Variants in ABCD3 observed in about 807,000 individuals in gnomAD.
ABCD3 encodes the protein ATP binding cassette subfamily D member 3, also known as ATP-binding cassette sub-family D member 3.
Under a neutral mutation model 105.5 loss-of-function variants are expected in ABCD3, and 41 were observed. The observed-to-expected ratio is 0.39, with a 90% CI of 0.30 to 0.50. The LOEUF is 0.50. Ranked by LOEUF, ABCD3 falls within the 20% of genes least tolerant of loss-of-function variation. The pLI is 0.84. For missense variants in ABCD3, 622 were observed against 806.3 expected (o/e 0.77, Z 2.77); for synonymous variants, 258 against 269.0 (o/e 0.96, Z 0.40).
upstream of ABCD3, among the ~76,000 whole-genome samples, chr1:94,418,207 T>G (rs937772135): frequency 5.3e-5 from 8 of 152,148 alleles, no homozygotes; most frequent in South Asian, 1.7e-3. Context: ...GCGCCGCGTT[T>G]CCGGAGACCC....
At chr1:94,401,194 G>T in the ABCD3 span, among the ~76,000 whole-genome samples, 3 of 152,214 alleles carry the variant, frequency 2.0e-5, no homozygotes, top group Non-Finnish European at 4.4e-5. Context: ...TTAAGAACAT[G>T]AACTAATCAT....
At chr1:94,488,019 A>T in intron 13 of ABCD3, 36 bp downstream of exon 13, 3 of 1,474,316 alleles carry the variant, frequency 2.0e-6, no homozygotes, top group Non-Finnish European at 2.8e-6. Context: ...GCAGAAAATA[A>T]TTTTTAAAAA....
At chr1:94,488,219 C>T (rs767929790) in intron 13 of ABCD3, among the ~76,000 whole-genome samples, 1 of 152,044 alleles carries the variant, frequency 6.6e-6, no homozygotes, top group Non-Finnish European at 1.5e-5. Flanking sequence ...TCCATGGACA[C>T]GTATTTGCTA....
At chr1:94,421,208 C>T (rs1292836221) in intron 1 of ABCD3, among the ~76,000 whole-genome samples, 4 of 152,062 alleles carry the variant, frequency 2.6e-5, no homozygotes, top group African/African-American at 4.8e-5. Flanking sequence ...TTTCAACCTG[C>T]CTGTCACCCC....
At chr1:94,464,982 C>T in intron 3 of ABCD3, 109 bp downstream of exon 3, 7 of 942,750 alleles carry the variant, frequency 7.4e-6, no homozygotes, top group Non-Finnish European at 1.2e-5. Flanking sequence ...CCTGGATCTG[C>T]AGGCTGTACA....
At chr1:94,496,008 T>C (rs1385986023) in intron 16 of ABCD3, among the ~76,000 whole-genome samples, 5 of 152,178 alleles carry the variant, frequency 3.3e-5, no homozygotes, top group African/African-American at 1.2e-4. Context: ...CTTTAACAAT[T>C]ATGTGTGTAA....
chr1:94,512,792 C>T (rs1479216323), intron 21 of ABCD3, among the ~76,000 whole-genome samples: 5 of 151,918 alleles, frequency 3.3e-5, no homozygotes, highest in Admixed American at 3.3e-4. Flanking sequence ...AATTTTGGAA[C>T]AAATGTAGTA....
chr1:94,433,628 G>GTT (rs33917832), intron 1 of ABCD3, among the ~76,000 whole-genome samples: 34,111 of 135,894 alleles, frequency 0.25, 4,823 homozygotes, highest in Admixed American at 0.32. Flanking sequence ...ACAATGGTCA[G>GTT]TTTTTTTTTT....
chr1:94,469,429 G>A (rs925713816), intron 4 of ABCD3, among the ~76,000 whole-genome samples: 7 of 149,146 alleles, frequency 4.7e-5, no homozygotes, highest in African/African-American at 1.5e-4. Flanking sequence ...TGGTAGTTGC[G>A]TTTCCATACA....
At chr1:94,469,551 A>G (rs1319313508) in intron 4 of ABCD3, among the ~76,000 whole-genome samples, 1 of 146,752 alleles carries the variant, frequency 6.8e-6, no homozygotes, top group Non-Finnish European at 1.5e-5. Context: ...TTTTGACAAT[A>G]CTGAGAAATC....
chr1:94,457,354 A>G (rs375273695), intron 1 of ABCD3, among the ~76,000 whole-genome samples: 39 of 152,298 alleles, frequency 2.6e-4, no homozygotes, highest in African/African-American at 8.9e-4. Flanking sequence ...AAGCGCATCT[A>G]TTGTAGTTAA....
At chr1:94,480,896 A>G (rs1490741348) in intron 9 of ABCD3, among the ~76,000 whole-genome samples, 1 of 152,300 alleles carries the variant, frequency 6.6e-6, no homozygotes, top group South Asian at 2.1e-4. Flanking sequence ...TCAAATTTCA[A>G]CTTACAATAC....
chr1:94,424,209 A>G (rs1659380223), intron 1 of ABCD3, among the ~76,000 whole-genome samples: 1 of 152,036 alleles, frequency 6.6e-6, no homozygotes, highest in African/African-American at 2.4e-5. Flanking sequence ...GCTAGGGGGA[A>G]CTGAGTACAG....
chr1:94,477,676 G>A (rs567516584), intron 7 of ABCD3, among the ~76,000 whole-genome samples: 12 of 137,296 alleles, frequency 8.7e-5, no homozygotes, highest in African/African-American at 2.7e-4. Context: ...AGCTGATGGT[G>A]CATTAGTTGA....
At chr1:94,460,006 G>A (rs924434478) in intron 2 of ABCD3, among the ~76,000 whole-genome samples, 2 of 152,132 alleles carry the variant, frequency 1.3e-5, no homozygotes, top group African/African-American at 4.8e-5. Context: ...CAGTTCATCA[G>A]TTGGTGGACA....
At chr1:94,436,646 T>C (rs926706969) in intron 1 of ABCD3, among the ~76,000 whole-genome samples, 10 of 152,234 alleles carry the variant, frequency 6.6e-5, no homozygotes, top group African/African-American at 2.4e-4. Flanking sequence ...ACCAACAGCA[T>C]GTGCTCACTT....
At chr1:94,483,017 A>G in intron 9 of ABCD3, 153 bp from the exon 10 acceptor site, 1 of 636,270 alleles carries the variant, frequency 1.6e-6, no homozygotes, top group East Asian at 2.8e-5. Flanking sequence ...ACAGAATCTC[A>G]GGTATAGACT....
the ABCD3 span, among the ~76,000 whole-genome samples, chr1:94,390,522 C>T: frequency 2.6e-5 from 4 of 152,122 alleles, no homozygotes; most frequent in Admixed American, 6.5e-5. Context: ...AGGCTGGTCT[C>T]GAACTCCTGG....
rs1390951408 is a variant in ABCD3 at position 94,498,808 on chromosome 1, T to C, written c.1490T>C (p.Leu497Pro). Residue 497 changes from leucine to proline, a missense_variant, in exon 18 of 23, where the codon CTA becomes CCA. Transcript: ENST00000370214. ...GELWPLFGGR[L>P]TKPERGKLFY... ...TTATGGCCTCTTTTTGGAGGACGTCTAACTAAACCTGAAAGAGGAAAATTA... is the reference window on the plus strand; with the variant it reads ...TTATGGCCTCTTTTTGGAGGACGTCCAACTAAACCTGAAAGAGGAAAATTA... 6.2e-7 allele frequency: 1 copy of C among 1,613,970 alleles called. No homozygotes were observed. Among genetic ancestry groups the C allele is most frequent in the Admixed American group, 1.7e-5 (1 of 59,978 alleles).
Sources: gnomAD v4.1 joint callset for allele counts (sites outside exome capture counted in the v4.1 genomes callset) on GRCh38, gnomAD v4.1.1 for gene constraint, MANE v1.5 for transcripts, NCBI Gene and HGNC (gene_info 2026-07-23, HGNC 2026-07-21) for gene names.